The following TMEM117 variants were observed in gnomAD, a reference collection of about 807,000 sequenced individuals.
TMEM117 encodes the protein transmembrane protein 117.
Under a neutral mutation model 52.4 loss-of-function variants are expected in TMEM117, and 27 were observed. The observed-to-expected ratio is 0.51, with a 90% CI of 0.38 to 0.71. The LOEUF (loss-of-function observed/expected upper bound fraction) is 0.71, where lower values mean the gene tolerates loss of function less well. TMEM117 is among the 30% of genes least tolerant of loss of function. The probability of loss-of-function intolerance (pLI) is 0.00; values close to 1 mark genes in which losing one functional copy is unlikely to be tolerated. For synonymous variants in TMEM117, 215 were observed against 206.3 expected (o/e 1.04, Z -0.36); for missense variants, 556 against 630.5 (o/e 0.88, Z 1.26).
chr12:43,963,911 T>C (rs1945443882), intron 3 of TMEM117, among the ~76,000 whole-genome samples: 1 of 152,184 alleles, frequency 6.6e-6, no homozygotes, highest in Non-Finnish European at 1.5e-5. Flanking sequence ...CTCCCAGCCA[T>C]TGAACTAAGT....
intron 6 of TMEM117, among the ~76,000 whole-genome samples, chr12:44,336,512 G>T (rs1387538773): frequency 6.6e-6 from 1 of 151,960 alleles, no homozygotes; most frequent in Non-Finnish European, 1.5e-5. Context: ...GTCAGCATTA[G>T]ATTTGCAGGA....
chr12:44,028,577 T>G (rs934411811), intron 3 of TMEM117, among the ~76,000 whole-genome samples: 2 of 152,212 alleles, frequency 1.3e-5, no homozygotes, highest in Non-Finnish European at 2.9e-5. Context: ...TCCTCACTGC[T>G]ACACTCTCAC....
chr12:44,011,944 G>A lies in TMEM117; in HGVS notation c.410+67602G>A, dbSNP rs553063999. On this transcript the variant is annotated intron_variant, in intron 3 of 7. Transcript: ENST00000266534. ...ATTCACTTCCCAGGAGGGATGGAAT[G>A]GGATGGTGTGAGATTTCTTCACACT... Among the ~76,000 whole-genome samples the A allele has an allele frequency of 1.5e-3, 222 of 152,294 alleles. 3 individuals are homozygous for A. Among genetic ancestry groups the A allele is most frequent in the African/African-American group, 5.0e-3 (207 of 41,576 alleles).
intron 2 of TMEM117, among the ~76,000 whole-genome samples, chr12:43,936,457 A>G (rs1944953386): frequency 6.6e-6 from 1 of 152,116 alleles, no homozygotes; most frequent in African/African-American, 2.4e-5. Flanking sequence ...GCTGACTTCC[A>G]GTGTGAAGCT....
intron 7 of TMEM117, among the ~76,000 whole-genome samples, chr12:44,384,777 C>T (rs1013537975): frequency 8.6e-5 from 13 of 152,022 alleles, no homozygotes; most frequent in African/African-American, 1.9e-4. Flanking sequence ...CCCTCTATTC[C>T]GTCACCAAGA....
At chr12:44,096,792 A>G (rs961146518) in intron 3 of TMEM117, among the ~76,000 whole-genome samples, 9 of 152,166 alleles carry the variant, frequency 5.9e-5, no homozygotes, top group Non-Finnish European at 1.3e-4. Flanking sequence ...ACCATTCAGG[A>G]CATAGGCATG....
intron 6 of TMEM117, among the ~76,000 whole-genome samples, chr12:44,370,706 C>T (rs746263804): frequency 1.3e-5 from 2 of 151,832 alleles, no homozygotes; most frequent in Non-Finnish European, 2.9e-5. Context: ...TTAGTAGAGA[C>T]GGATTTCTGT....
In TMEM117 at chr12:44,358,109, G is replaced by A. The variant is rs117819092; in HGVS notation, c.769-18486G>A. Among the ~76,000 whole-genome samples the A allele has an allele frequency of 3.9e-5, 6 of 152,188 alleles. No individual in the cohort carries two copies. The East Asian group carries it at 1.2e-3, about 29-fold the overall frequency. On this transcript the variant is annotated intron_variant, in intron 6 of 7. Coordinates refer to ENST00000266534, the MANE Select transcript of TMEM117 (RefSeq NM_032256.3). The stretch of plus-strand genomic sequence containing the variant: ...ACCACATGTTGTCACTTATAAGTGG[G>A]AGCTAAACAGTGGATAAACAGGGAC...
At chr12:44,365,995 A>T (rs1057193470) in intron 6 of TMEM117, among the ~76,000 whole-genome samples, 1 of 152,102 alleles carries the variant, frequency 6.6e-6, no homozygotes, top group East Asian at 1.9e-4. Flanking sequence ...GTCTGTAACT[A>T]TAAAAGGAAG....
At chr12:43,851,460 T>C (rs1344644455) in intron 2 of TMEM117, among the ~76,000 whole-genome samples, 3 of 151,664 alleles carry the variant, frequency 2.0e-5, no homozygotes, top group Non-Finnish European at 4.4e-5. Context: ...GCTTGGATGA[T>C]TCTAGTTTTT....
At chr12:43,893,408 G>A (rs1944142689) in intron 2 of TMEM117, among the ~76,000 whole-genome samples, 1 of 152,138 alleles carries the variant, frequency 6.6e-6, no homozygotes, top group South Asian at 2.1e-4. Flanking sequence ...CACTCAGTTG[G>A]CTACAGTATG....
intron 6 of TMEM117, among the ~76,000 whole-genome samples, chr12:44,368,856 A>G (rs1369172871): frequency 6.6e-6 from 1 of 152,106 alleles, no homozygotes; most frequent in Non-Finnish European, 1.5e-5. Context: ...AGGAACATGC[A>G]TTTGAGTAAG....
intron 5 of TMEM117, among the ~76,000 whole-genome samples, chr12:44,250,161 A>G (rs906752538): frequency 6.6e-6 from 1 of 152,134 alleles, no homozygotes; most frequent in African/African-American, 2.4e-5. Flanking sequence ...AAATAAACCC[A>G]TCAAAAAGTG....
At chr12:43,813,231 G>GTTTTTTTTGTT in the TMEM117 span, among the ~76,000 whole-genome samples, 1 of 62,618 alleles carries the variant, frequency 1.6e-5, no homozygotes, top group Admixed American at 1.9e-4. Context: ...GTTTTCTCTT[G>GTTTTTTTTGTT]TTTTTTTTTT....
intron 4 of TMEM117, among the ~76,000 whole-genome samples, chr12:44,207,535 C>T (rs7315208): frequency 0.26 from 39,611 of 151,934 alleles, 9,149 homozygotes; most frequent in African/African-American, 0.63. Context: ...TATCATAGTT[C>T]AACATTAAAT....
chr12:44,198,469 A>G (rs1413712731), intron 4 of TMEM117, among the ~76,000 whole-genome samples: 1 of 152,132 alleles, frequency 6.6e-6, no homozygotes, highest in Admixed American at 6.5e-5. Flanking sequence ...TAAATGAGAA[A>G]AATTAACCAG....
intron 1 of TMEM117, among the ~76,000 whole-genome samples, chr12:43,840,885 G>A (rs1420465092): frequency 1.3e-5 from 2 of 152,182 alleles, no homozygotes; most frequent in African/African-American, 4.8e-5. Context: ...TAAATTAACA[G>A]TAGATACACC....
rs1052300097 is a variant in TMEM117 at position 43,924,971 on chromosome 12, A to T, written c.278-19239A>T. 3.3e-5 allele frequency among the ~76,000 whole-genome samples: 5 copies of T among 152,144 alleles called. No homozygotes were observed. In the South Asian group the frequency reaches 6.2e-4, roughly 19 times the overall value. On this transcript the variant is annotated intron_variant, in intron 2 of 7. Transcript: ENST00000266534. The stretch of plus-strand genomic sequence containing the variant: ...ACTGGAAAGTTACCTTCTAAGATGG[A>T]TGGAAGATGTTCTCTCAAATGGATG...
upstream of TMEM117, among the ~76,000 whole-genome samples, chr12:43,834,424 C>T (rs2137329615): frequency 6.6e-6 from 1 of 152,116 alleles, no homozygotes; most frequent in South Asian, 2.1e-4. Context: ...TAATCTCTGC[C>T]CTTGAAGAGT....
Sources: gnomAD v4.1 joint callset for allele counts (sites outside exome capture counted in the v4.1 genomes callset) on GRCh38, gnomAD v4.1.1 for gene constraint, MANE v1.5 for transcripts, NCBI Gene and HGNC (gene_info 2026-07-23, HGNC 2026-07-21) for gene names.